The following ATP10A variants were observed in gnomAD, a reference collection of about 807,000 sequenced individuals.
ATP10A encodes the protein phospholipid-transporting ATPase VA.
In ATP10A, 111 loss-of-function variants were observed where a neutral mutation model predicts 147.8. The ratio of observed to expected loss-of-function variants is 0.75; its 90% CI spans 0.64 to 0.88. The LOEUF is 0.88. Ranked by LOEUF, ATP10A falls within the 40% of genes least tolerant of loss-of-function variation. The probability of loss-of-function intolerance (pLI) is 0.00; values close to 1 mark genes in which losing one functional copy is unlikely to be tolerated. For synonymous variants in ATP10A, 875 were observed against 841.6 expected (o/e 1.04, Z -0.69); for missense variants, 1,927 against 1,959.0 (o/e 0.98, Z 0.31).
At chr15:25,742,534 AG>A (rs1224780526) in intron 2 of ATP10A, among the ~76,000 whole-genome samples, 1 of 152,200 alleles carries the variant, frequency 6.6e-6, no homozygotes, top group African/African-American at 2.4e-5. Context: ...ACAGTCAAAA[AG>A]CCTCGGTAGA....
intron 2 of ATP10A, among the ~76,000 whole-genome samples, chr15:25,758,878 G>A (rs1336697052): frequency 6.6e-6 from 1 of 150,520 alleles, no homozygotes; most frequent in Non-Finnish European, 1.5e-5. Context: ...CCGACCACCT[G>A]CTCCACCCTT....
At chr15:25,797,095 A>G (rs2140766195) in intron 1 of ATP10A, among the ~76,000 whole-genome samples, 1 of 152,264 alleles carries the variant, frequency 6.6e-6, no homozygotes, top group East Asian at 1.9e-4. Flanking sequence ...TGTCTAAGGG[A>G]AACTTTGTAT....
downstream of ATP10A, chr15:25,677,290 T>A (rs2140263807): frequency 6.6e-6 from 1 of 152,282 alleles, no homozygotes. Flanking sequence ...TGCCATAGAT[T>A]GTTATTGTGG....
At chr15:25,818,774 G>A (rs1400164691) in intron 1 of ATP10A, among the ~76,000 whole-genome samples, 1 of 151,974 alleles carries the variant, frequency 6.6e-6, no homozygotes, top group East Asian at 1.9e-4. Flanking sequence ...CCAATGGAAT[G>A]GAAGAGAACA....
At chr15:25,736,189 G>C (rs768170969) in intron 2 of ATP10A, 48 bp from the exon 3 acceptor site, 1 of 1,536,700 alleles carries the variant, frequency 6.5e-7, no homozygotes, top group East Asian at 2.3e-5. Context: ...CTCAGGCTGC[G>C]CCGTTCTAAA....
intron 2 of ATP10A, among the ~76,000 whole-genome samples, chr15:25,736,838 C>G (rs1245124181): frequency 2.0e-5 from 3 of 152,178 alleles, no homozygotes; most frequent in African/African-American, 7.2e-5. Flanking sequence ...TATCAGCTCT[C>G]TGGTCAGGCC....
In ATP10A at chr15:25,843,720, C is replaced by G. The variant is rs186367290; in HGVS notation, c.449+18928G>C. 2.2e-3 allele frequency among the ~76,000 whole-genome samples: 336 copies of G among 152,272 alleles called. 1 individual carries two copies. The highest frequency in any genetic ancestry group is 9.5e-3 in the South Asian group (46 of 4,822). ...GGAAAACTGGTCCCCTGTAGAAAGACAGACGCACGGCTGCCACAGGGAAAC... is the reference window on the plus strand; with the variant it reads ...GGAAAACTGGTCCCCTGTAGAAAGAGAGACGCACGGCTGCCACAGGGAAAC... On this transcript the variant is annotated intron_variant, in intron 1 of 20. Coordinates refer to ENST00000555815, the MANE Select transcript of ATP10A (RefSeq NM_024490.4).
chr15:25,680,104 C>A lies in ATP10A; in HGVS notation c.3866+17G>T. 1 of 1,611,870 alleles carries A rather than the reference C, an allele frequency of 6.2e-7. No homozygotes were observed. Among genetic ancestry groups the A allele is most frequent in the Non-Finnish European group, 8.5e-7 (1 of 1,179,186 alleles). ...CTCACTCGGGGCTCAGAGGCACTAT[C>A]CCGCTCCGACACCCACCTGGGCAGC... On this transcript the variant is annotated intron_variant, in intron 20 of 20. Coordinates refer to ENST00000555815, the MANE Select transcript of ATP10A (RefSeq NM_024490.4).
chr15:25,713,411 C>T (rs1052753783), intron 10 of ATP10A, among the ~76,000 whole-genome samples: 5 of 152,188 alleles, frequency 3.3e-5, no homozygotes, highest in South Asian at 2.1e-4. Context: ...AAATTTAAAA[C>T]GTGACACTCT....
intron 1 of ATP10A, among the ~76,000 whole-genome samples, chr15:25,793,853 C>G (rs1027222247): frequency 6.6e-6 from 1 of 152,172 alleles, no homozygotes; most frequent in Non-Finnish European, 1.5e-5. Flanking sequence ...CAGACCTCTG[C>G]AAGCCCAAGT....
At chr15:25,785,693 C>G (rs575249348) in intron 1 of ATP10A, among the ~76,000 whole-genome samples, 27 of 152,178 alleles carry the variant, frequency 1.8e-4, no homozygotes, top group Non-Finnish European at 3.5e-4. Context: ...ACTCTTAATA[C>G]CAGCCACTCA....
intron 2 of ATP10A, among the ~76,000 whole-genome samples, chr15:25,769,586 C>T (rs1889230409): frequency 6.6e-6 from 1 of 151,752 alleles, no homozygotes; most frequent in South Asian, 2.1e-4. Flanking sequence ...GCCATCCTAC[C>T]CGGGTGCCTC....
At chr15:25,748,097 G>T (rs1397744315) in intron 2 of ATP10A, among the ~76,000 whole-genome samples, 1 of 151,972 alleles carries the variant, frequency 6.6e-6, no homozygotes, top group Non-Finnish European at 1.5e-5. Flanking sequence ...CGAGTAGCTG[G>T]GACTACAGGC....
At chr15:25,809,950 C>A (rs1162567570) in intron 1 of ATP10A, among the ~76,000 whole-genome samples, 1 of 149,666 alleles carries the variant, frequency 6.7e-6, no homozygotes, top group South Asian at 2.1e-4. Context: ...TGGAGAGCTA[C>A]AAGCACTTCC....
intron 7 of ATP10A, among the ~76,000 whole-genome samples, chr15:25,718,834 G>C (rs905291658): frequency 6.6e-6 from 1 of 152,132 alleles, no homozygotes; most frequent in Non-Finnish European, 1.5e-5. Context: ...CCACATGGAC[G>C]GTGGCCACCA....
At chr15:25,690,239 TTAA>T (rs1567302704) in intron 15 of ATP10A, among the ~76,000 whole-genome samples, 29 of 142,408 alleles carry the variant, frequency 2.0e-4, no homozygotes, top group Non-Finnish European at 2.1e-4. Context: ...TTCCTTTTTT[TTAA>T]AAAAAAAAAA....
At position 25,679,952 on chromosome 15, in the gene ATP10A, C is replaced by T. The variant is rs1169818836; in HGVS notation, c.3889G>A (p.Gly1297Arg). 2 of 1,596,908 alleles carry T rather than the reference C, an allele frequency of 1.3e-6. No individual in the cohort carries two copies. The highest frequency in any genetic ancestry group is 1.7e-5 in the Admixed American group (1 of 59,128). Residue 1297 changes from glycine to arginine, a missense_variant, in exon 21 of 21, where the codon GGG (glycine) becomes AGG (arginine). By Grantham distance (125) the Gly-to-Arg change is moderately radical (BLOSUM62 -2). Transcript: ENST00000555815. ...LPRLFFRSLQ[G>R]RVFPTQLQLA... ...TGAAGTTGTGTGGGGAAAACCCTCC[C>T]CTGGAGGGATCTGAAAAACAATCTA...
chr15:25,839,904 T>C (rs1892742429), intron 1 of ATP10A, among the ~76,000 whole-genome samples: 1 of 152,172 alleles, frequency 6.6e-6, no homozygotes, highest in African/African-American at 2.4e-5. Flanking sequence ...CAGATTTCTC[T>C]AGCTTTAAGT....
At chr15:25,771,263 A>T (rs1388692789) in intron 2 of ATP10A, among the ~76,000 whole-genome samples, 1 of 152,114 alleles carries the variant, frequency 6.6e-6, no homozygotes, top group Non-Finnish European at 1.5e-5. Context: ...CCCATAAACA[A>T]GGACATGCCA....
Sources: allele counts gnomAD v4.1 joint callset (sites outside exome capture counted in the v4.1 genomes callset), GRCh38; gene constraint gnomAD v4.1.1; transcripts MANE v1.5; gene names NCBI Gene and HGNC (gene_info 2026-07-23, HGNC 2026-07-21).